The following NARS2 variants were observed in gnomAD, a reference collection of about 807,000 sequenced individuals.
The protein encoded by NARS2 is asparaginyl-tRNA synthetase 2, mitochondrial.
In NARS2, 60 loss-of-function variants were observed where a neutral mutation model predicts 62.9. The ratio of observed to expected loss-of-function variants is 0.95; its 90% CI spans 0.77 to 1.18. The LOEUF (loss-of-function observed/expected upper bound fraction) is 1.18, where lower values mean the gene tolerates loss of function less well. Ranked by LOEUF, NARS2 falls within the 50% of genes most tolerant of loss-of-function variation. NARS2 has a pLI of 0.00. For missense variants in NARS2, 619 were observed against 576.4 expected (o/e 1.07, Z -0.76); for synonymous variants, 196 against 200.0 (o/e 0.98, Z 0.17).
chr11:78,477,581 C>T (rs4945281), intron 9 of NARS2, among the ~76,000 whole-genome samples: 3 of 152,042 alleles, frequency 2.0e-5, no homozygotes, highest in Non-Finnish European at 2.9e-5. Flanking sequence ...AACTTGGCTG[C>T]GCCATGGTCT....
intron 6 of NARS2, among the ~76,000 whole-genome samples, chr11:78,525,963 C>T (rs1381080721): frequency 1.3e-5 from 2 of 151,708 alleles, no homozygotes; most frequent in Admixed American, 6.6e-5. Context: ...TTCCACAGGT[C>T]GTAAAAAAGA....
At chr11:78,460,532 A>G (rs1858354058) in intron 11 of NARS2, among the ~76,000 whole-genome samples, 1 of 152,184 alleles carries the variant, frequency 6.6e-6, no homozygotes. Flanking sequence ...GAAAAGGTAA[A>G]AGAGGAAATG....
intron 11 of NARS2, among the ~76,000 whole-genome samples, chr11:78,459,249 G>T (rs1453739490): frequency 2.1e-5 from 3 of 143,212 alleles, no homozygotes; most frequent in South Asian, 2.2e-4. Context: ...TTTTGTCGTT[G>T]TTTTTTTTTT....
intron 9 of NARS2, 94 bp from the exon 10 acceptor site, chr11:78,469,407 A>C: frequency 4.8e-6 from 4 of 837,642 alleles, no homozygotes; most frequent in Admixed American, 1.9e-5. Flanking sequence ...CTCCTATATC[A>C]CACTGTGAGG....
intron 6 of NARS2, among the ~76,000 whole-genome samples, chr11:78,527,631 C>T (rs1394015087): frequency 9.9e-5 from 15 of 152,198 alleles, no homozygotes. Flanking sequence ...TATTCTATTA[C>T]ATTTTCCTTG....
intron 5 of NARS2, among the ~76,000 whole-genome samples, chr11:78,549,240 C>G (rs534641328): frequency 1.3e-5 from 2 of 152,212 alleles, no homozygotes; most frequent in African/African-American, 4.8e-5. Context: ...GAGAGACAAG[C>G]CAAGAAACCT....
At chr11:78,456,905 G>C (rs751251430) in intron 11 of NARS2, among the ~76,000 whole-genome samples, 3 of 152,198 alleles carry the variant, frequency 2.0e-5, no homozygotes, top group Non-Finnish European at 2.9e-5. Context: ...CCTTTCAAAT[G>C]ATCAAATATG....
At chr11:78,514,770 A>G (rs1390828947) in intron 6 of NARS2, among the ~76,000 whole-genome samples, 1 of 152,170 alleles carries the variant, frequency 6.6e-6, no homozygotes, top group Non-Finnish European at 1.5e-5. Context: ...CAGTATTTAG[A>G]TTTCCAAAGG....
At chr11:78,481,712 C>G (rs1859362999) in intron 7 of NARS2, among the ~76,000 whole-genome samples, 2 of 152,024 alleles carry the variant, frequency 1.3e-5, no homozygotes, top group South Asian at 4.2e-4. Context: ...ACAGCAATAC[C>G]TAATTGCTTA....
At chr11:78,572,054 C>G (rs1339965830) in intron 1 of NARS2, among the ~76,000 whole-genome samples, 1 of 152,026 alleles carries the variant, frequency 6.6e-6, no homozygotes, top group African/African-American at 2.4e-5. Flanking sequence ...TGTTGGCGCT[C>G]GTTTGTAGTC....
chr11:78,547,535 A>T (rs997190340), intron 5 of NARS2, among the ~76,000 whole-genome samples: 5 of 152,212 alleles, frequency 3.3e-5, no homozygotes, highest in Admixed American at 2.0e-4. Context: ...ATACGTGAAC[A>T]AAATGAACAA....
chr11:78,488,575 T>C (rs1271536711), intron 7 of NARS2, among the ~76,000 whole-genome samples: 3 of 152,208 alleles, frequency 2.0e-5, no homozygotes, highest in South Asian at 2.1e-4. Flanking sequence ...TCCAGAAGTA[T>C]ACAATAATAA....
At chr11:78,497,768 A>G in intron 6 of NARS2, among the ~76,000 whole-genome samples, 1 of 152,132 alleles carries the variant, frequency 6.6e-6, no homozygotes, top group East Asian at 1.9e-4. Flanking sequence ...CCACCATGCA[A>G]TACACTTGGT....
intron 6 of NARS2, among the ~76,000 whole-genome samples, chr11:78,526,375 T>C (rs1173215150): frequency 2.0e-5 from 3 of 152,146 alleles, no homozygotes; most frequent in African/African-American, 7.2e-5. Context: ...TACCATTTTC[T>C]CCATTTTAAA....
Position 78,530,334 on chromosome 11 carries a change from C to A in NARS2, c.595-1398G>T, listed in dbSNP as rs141811766. ...AAGAATTGCTTTCCGAAATGAGGTC[C>A]AACAAATTTATAAGACTACCATACT... On this transcript the variant is annotated intron_variant, in intron 5 of 13. Transcript: ENST00000281038. 1.6e-3 allele frequency among the ~76,000 whole-genome samples: 250 copies of A among 152,118 alleles called. 2 individuals are homozygous for A. Among genetic ancestry groups the A allele is most frequent in the African/African-American group, 5.7e-3 (238 of 41,492 alleles).
chr11:78,446,952 G>A (rs1240615827), intron 11 of NARS2, among the ~76,000 whole-genome samples: 1 of 151,730 alleles, frequency 6.6e-6, no homozygotes, highest in Non-Finnish European at 1.5e-5. Context: ...CATCTTATAA[G>A]GGGTTAATAC....
intron 11 of NARS2, among the ~76,000 whole-genome samples, chr11:78,444,694 G>C (rs1262482048): frequency 1.4e-5 from 2 of 140,938 alleles, no homozygotes; most frequent in African/African-American, 2.6e-5. Flanking sequence ...ATTCTAGCCT[G>C]GGCGACAGAG....
intron 13 of NARS2, among the ~76,000 whole-genome samples, chr11:78,437,316 C>T (rs1038126655): frequency 2.0e-5 from 3 of 152,130 alleles, no homozygotes; most frequent in Admixed American, 6.5e-5. Context: ...AACTGTGCTT[C>T]ATTCAACTTT....
intron 11 of NARS2, among the ~76,000 whole-genome samples, chr11:78,444,849 T>C (rs1434428176): frequency 6.6e-6 from 1 of 152,020 alleles, no homozygotes; most frequent in Admixed American, 6.5e-5. Context: ...TAAGCTCATA[T>C]AACTGATACA....
Sources: allele counts gnomAD v4.1 joint callset (sites outside exome capture counted in the v4.1 genomes callset), GRCh38; gene constraint gnomAD v4.1.1; transcripts MANE v1.5; gene names NCBI Gene and HGNC (gene_info 2026-07-23, HGNC 2026-07-21).